XG: variants seen among roughly 807,000 people sequenced by gnomAD.
XG encodes glycoprotein Xg.
Under a neutral mutation model 25.7 loss-of-function variants are expected in XG, and 24 were observed. The observed-to-expected ratio is 0.93, with a 90% CI of 0.68 to 1.31. The LOEUF is 1.31. Ranked by LOEUF, XG falls within the 40% of genes most tolerant of loss-of-function variation. XG has a pLI of 0.00. For missense variants in XG, 181 were observed against 187.6 expected, an observed-to-expected ratio of 0.96 and a Z score of 0.21; for synonymous variants, 77 against 69.2, an observed-to-expected ratio of 1.11 and a Z score of -0.56.
intron 7 of XG, among the ~76,000 whole-genome samples, chrX:2,806,394 T>G (rs762797809): frequency 1.8e-5 from 2 of 111,016 alleles, no homozygotes; most frequent in African/African-American, 6.6e-5. Context: ...TTTCATCCTA[T>G]TCTCTTTTTT....
chrX:2,764,830 C>G (rs1262593743), intron 1 of XG, among the ~76,000 whole-genome samples: 2 of 149,510 alleles, frequency 1.3e-5, no homozygotes, highest in Admixed American at 1.3e-4. Context: ...CACTTCATGC[C>G]AGGAGTTCAA....
intron 6 of XG, among the ~76,000 whole-genome samples, chrX:2,795,401 TTATA>T (rs2086875580): frequency 9.3e-6 from 1 of 107,367 alleles, no homozygotes; most frequent in African/African-American, 3.3e-5. Context: ...ATATACATCT[TTATA>T]TATGTACATA....
chrX:2,811,156 C>G (rs1441522556), intron 9 of XG, among the ~76,000 whole-genome samples, 180 bp from the exon 10 acceptor site: 3 of 108,104 alleles, frequency 2.8e-5, no homozygotes, highest in African/African-American at 1.0e-4. Flanking sequence ...TCTGTGAATA[C>G]AAGGGTGGGA....
intron 1 of XG, among the ~76,000 whole-genome samples, chrX:2,766,209 T>TTC (rs2050682952): frequency 6.6e-6 from 1 of 152,150 alleles, no homozygotes; most frequent in East Asian, 1.9e-4. Flanking sequence ...GGCACAGTCT[T>TTC]GGCTCACTGC....
chrX:2,781,552 T>C (rs1360412181), intron 3 of XG, among the ~76,000 whole-genome samples: 1 of 112,099 alleles, frequency 8.9e-6, no homozygotes, highest in Non-Finnish European at 1.9e-5. Context: ...TCTGGAAAAC[T>C]ATAATTTTGA....
intron 7 of XG, among the ~76,000 whole-genome samples, chrX:2,802,680 G>C (rs1270029188): frequency 2.7e-5 from 3 of 109,365 alleles, no homozygotes. Context: ...GGCGCCGGCT[G>C]GTGCATCTCA....
chrX:2,806,846 G>A, intron 8 of XG, 101 bp downstream of exon 8: 1 of 695,972 alleles, frequency 1.4e-6, no homozygotes, highest in Non-Finnish European at 2.0e-6. Flanking sequence ...CTTTCATCCA[G>A]TGCACAACCA....
chrX:2,771,354 C>T (rs2050814925), intron 2 of XG, among the ~76,000 whole-genome samples: 1 of 152,194 alleles, frequency 6.6e-6, no homozygotes, highest in Admixed American at 6.5e-5. Flanking sequence ...CCCTCAACTT[C>T]TCTGGTTACC....
chrX:2,797,243 A>C, intron 6 of XG, 67 bp from the exon 7 acceptor site: 2 of 1,129,420 alleles, frequency 1.8e-6, no homozygotes, highest in South Asian at 1.9e-5. Context: ...GGACAGACCA[A>C]CACCTGCAGG....
chrX:2,763,395 T>C (rs920294423), intron 1 of XG, among the ~76,000 whole-genome samples: 3 of 151,758 alleles, frequency 2.0e-5, no homozygotes, highest in Non-Finnish European at 2.9e-5. Flanking sequence ...ATCTGCTGGC[T>C]CATAGACGTT....
chrX:2,761,239 T>C (rs1250258337), intron 1 of XG, among the ~76,000 whole-genome samples: 1 of 152,110 alleles, frequency 6.6e-6, no homozygotes, highest in Non-Finnish European at 1.5e-5. Context: ...GGGGTCCTTA[T>C]AAAAAGAGTA....
chrX:2,787,829 C>T (rs995402036), intron 4 of XG, among the ~76,000 whole-genome samples: 3 of 108,296 alleles, frequency 2.8e-5, no homozygotes, highest in African/African-American at 1.0e-4. Flanking sequence ...ATCGCTTGAA[C>T]CCAGGAGGCG....
chrX:2,797,629 CAG>C (rs2086898583), intron 7 of XG, among the ~76,000 whole-genome samples: 1 of 110,591 alleles, frequency 9.0e-6, no homozygotes, highest in Non-Finnish European at 1.9e-5. Context: ...TAAAAGTAAA[CAG>C]AGCAAAGAAC....
chrX:2,770,041 G>A (rs1237502543), intron 1 of XG, among the ~76,000 whole-genome samples: 3 of 142,632 alleles, frequency 2.1e-5, no homozygotes, highest in African/African-American at 7.6e-5. Flanking sequence ...GGCGTTGGGG[G>A]GCGGGGATAT....
At chrX:2,759,719 G>C (rs932867558) in intron 1 of XG, among the ~76,000 whole-genome samples, 3 of 152,154 alleles carry the variant, frequency 2.0e-5, no homozygotes, top group African/African-American at 7.2e-5. Flanking sequence ...CCCTTCCTGT[G>C]AGGGCCCCCC....
chrX:2,811,380 G>T lies in XG; in HGVS notation c.499G>T (p.Val167Leu), dbSNP rs2087054427. The change falls in exon 10 of 11, where the codon GTG becomes TTG. Residue 167 changes from valine to leucine, a missense_variant. Val to Leu is a conservative substitution (Grantham distance 32). Coordinates refer to ENST00000644266, the MANE Select transcript of XG (RefSeq NM_001141919.2). ...CGTGTCTCCCATCGTATCCGTGGTG[G>T]TGGTGACACTGCTGGGAGCAGCAGC... ...KIVSPIVSVV[V>L]VTLLGAAASY... 8.3e-7 allele frequency: 1 copy of T among 1,208,970 alleles called. No homozygotes were observed. The highest frequency in any genetic ancestry group is 1.7e-5 in the African/African-American group (1 of 57,637).
At chrX:2,805,763 C>T (rs1217278035) in intron 7 of XG, among the ~76,000 whole-genome samples, 1 of 111,513 alleles carries the variant, frequency 9.0e-6, no homozygotes, top group Non-Finnish European at 1.9e-5. Context: ...GTCTGTAGTC[C>T]TATTGGATTA....
intron 7 of XG, among the ~76,000 whole-genome samples, chrX:2,800,345 A>G (rs2086923462): frequency 8.9e-6 from 1 of 111,785 alleles, no homozygotes; most frequent in Non-Finnish European, 1.9e-5. Flanking sequence ...ATCCAGGAAA[A>G]GCTTAGAAAG....
At chrX:2,774,279 G>C (rs1414402173) in intron 2 of XG, among the ~76,000 whole-genome samples, 1 of 152,082 alleles carries the variant, frequency 6.6e-6, no homozygotes, top group East Asian at 1.9e-4. Context: ...CTCCTGACCT[G>C]ATATCCACAT....
Sources: gnomAD v4.1 joint callset for allele counts (sites outside exome capture counted in the v4.1 genomes callset) on GRCh38, gnomAD v4.1.1 for gene constraint, MANE v1.5 for transcripts, NCBI Gene and HGNC (gene_info 2026-07-23, HGNC 2026-07-21) for gene names.